Variants in KCNT2 observed in about 807,000 individuals in gnomAD.
KCNT2 encodes the protein potassium sodium-activated channel subfamily T member 2.
KCNT2 carries 67 observed loss-of-function variants against 153.8 expected under a neutral mutation model. That is an observed-to-expected ratio of 0.44 (90% CI 0.36 to 0.53). The LOEUF (loss-of-function observed/expected upper bound fraction) is 0.53. Among genes scored for constraint, KCNT2 ranks in the 20% least tolerant of loss-of-function variants. KCNT2 has a pLI of 0.00. For missense variants in KCNT2, 975 were observed against 1,354.8 expected, an observed-to-expected ratio of 0.72 and a Z score of 4.40; for synonymous variants, 500 against 458.8, an observed-to-expected ratio of 1.09 and a Z score of -1.15.
intron 7 of KCNT2, among the ~76,000 whole-genome samples, chr1:196,465,922 C>A (rs1294106557): frequency 6.6e-6 from 1 of 151,768 alleles, no homozygotes; most frequent in African/African-American, 2.4e-5. Context: ...GGCAATGAGC[C>A]ATTATTTGTG....
intron 1 of KCNT2, among the ~76,000 whole-genome samples, chr1:196,583,677 A>G (rs1189565778): frequency 1.3e-5 from 2 of 152,098 alleles, no homozygotes; most frequent in Non-Finnish European, 2.9e-5. Flanking sequence ...CATAGAAATC[A>G]AGAGAAGGAA....
chr1:196,467,288 C>G (rs1221778825), intron 7 of KCNT2, among the ~76,000 whole-genome samples: 1 of 151,942 alleles, frequency 6.6e-6, no homozygotes, highest in African/African-American at 2.4e-5. Flanking sequence ...TTTTTCTTTA[C>G]CAGTCATAGG....
At chr1:196,419,731 C>T (rs1156524907) in intron 12 of KCNT2, among the ~76,000 whole-genome samples, 1 of 152,018 alleles carries the variant, frequency 6.6e-6, no homozygotes, top group Admixed American at 6.6e-5. Flanking sequence ...TCTGCCATTA[C>T]TGATGAGACA....
rs370947524 is a variant in KCNT2 at position 196,308,492 on chromosome 1, A to G, written c.2484-3147T>C. Among the ~76,000 whole-genome samples the G allele has an allele frequency of 2.0e-5, 3 of 152,164 alleles. No homozygotes were observed. The East Asian group carries it at 5.8e-4, about 30-fold the overall frequency. On this transcript the variant is annotated intron_variant, in intron 21 of 27. Coordinates refer to ENST00000294725, the MANE Select transcript of KCNT2 (RefSeq NM_198503.5). ...TTAAAAGCCCACTTTTGCCTACACC[A>G]AAGTCACATCTTCCTGCCTAATATT...
intron 8 of KCNT2, among the ~76,000 whole-genome samples, chr1:196,449,142 A>G (rs1460194162): frequency 6.6e-6 from 1 of 151,704 alleles, no homozygotes; most frequent in Non-Finnish European, 1.5e-5. Context: ...GGCTTGTAGA[A>G]AAGAAGACCG....
At chr1:196,341,144 G>A (rs1665587560) in intron 15 of KCNT2, among the ~76,000 whole-genome samples, 1 of 151,936 alleles carries the variant, frequency 6.6e-6, no homozygotes, top group South Asian at 2.1e-4. Flanking sequence ...CCCAGCATAA[G>A]TTGAAAATAT....
chr1:196,562,443 G>T (rs1659537185), intron 1 of KCNT2, among the ~76,000 whole-genome samples: 1 of 151,896 alleles, frequency 6.6e-6, no homozygotes, highest in Admixed American at 6.6e-5. Context: ...ACTTTGAAAT[G>T]CTCTTGGCCA....
intron 26 of KCNT2, among the ~76,000 whole-genome samples, chr1:196,245,254 G>A (rs1390792761): frequency 1.3e-5 from 2 of 152,080 alleles, no homozygotes; most frequent in African/African-American, 4.8e-5. Flanking sequence ...ACTTTGGGAA[G>A]CCGAGGTGGG....
intron 3 of KCNT2, among the ~76,000 whole-genome samples, chr1:196,484,680 C>A (rs1572607999): frequency 6.6e-6 from 1 of 151,882 alleles, no homozygotes; most frequent in Non-Finnish European, 1.5e-5. Context: ...AAGTCTTTAA[C>A]CCATCTTGAG....
chr1:196,479,204 A>G lies in KCNT2; in HGVS notation c.359T>C (p.Ile120Thr), dbSNP rs1401932029. 3 of 1,576,442 alleles carry G rather than the reference A, an allele frequency of 1.9e-6. No homozygotes were observed. Among genetic ancestry groups the G allele is most frequent in the South Asian group, 1.1e-5 (1 of 88,444 alleles). ...SVALISLFET[I>T]LLGYLSYKGN... is the part of the protein sequence containing the mutation. ...CTTATAACTAAGATAACCAAGTAAT[A>G]TTGTTTCAAACAGACTTATCAATGC... Residue 120 changes from isoleucine (I) to threonine (T), a missense_variant, in exon 5 of 28, where the codon ATA becomes ACA. Ile to Thr is a moderately conservative substitution (Grantham distance 89, BLOSUM62 -1). Coordinates refer to ENST00000294725, the MANE Select transcript of KCNT2 (RefSeq NM_198503.5).
Position 196,356,681 on chromosome 1 carries a change from C to G in KCNT2, c.1404-14453G>C, listed in dbSNP as rs143534415. Reference sequence around the variant, plus strand: ...AGAATTTTTTCACAGTGAATTTCCCCAGAGTTGCTTATATAATCATATTGC... The same window carrying G: ...AGAATTTTTTCACAGTGAATTTCCCGAGAGTTGCTTATATAATCATATTGC... On this transcript the variant is annotated intron_variant, in intron 14 of 27. Coordinates refer to ENST00000294725, the MANE Select transcript of KCNT2 (RefSeq NM_198503.5). Among the ~76,000 whole-genome samples, 676 of 151,936 alleles carry G rather than the reference C, an allele frequency of 4.4e-3. 4 individuals carry two copies. Among genetic ancestry groups the G allele is most frequent in the African/African-American group, 0.015 (615 of 41,510 alleles).
chr1:196,602,777 T>TTA (rs1664878061), intron 1 of KCNT2, among the ~76,000 whole-genome samples: 1 of 124,202 alleles, frequency 8.1e-6, no homozygotes, highest in African/African-American at 3.1e-5. Context: ...TCTATTTTTT[T>TTA]TTTTTTTTTT....
intron 13 of KCNT2, among the ~76,000 whole-genome samples, chr1:196,394,528 C>A (rs1361399): frequency 0.2 from 29,675 of 151,318 alleles, 3,845 homozygotes; most frequent in East Asian, 0.53. Context: ...AAATCAATAA[C>A]TATTTTTAGA....
chr1:196,426,879 C>T (rs1318508841), intron 10 of KCNT2, among the ~76,000 whole-genome samples: 2 of 152,120 alleles, frequency 1.3e-5, no homozygotes, highest in East Asian at 3.9e-4. Context: ...CCTCTTCCTC[C>T]TGCTCTGGCC....
intron 12 of KCNT2, among the ~76,000 whole-genome samples, chr1:196,411,730 T>C (rs1420525286): frequency 1.3e-5 from 2 of 151,814 alleles, no homozygotes; most frequent in Non-Finnish European, 2.9e-5. Flanking sequence ...GATTTATTAG[T>C]TCTAACACTT....
chr1:196,285,707 C>G lies in KCNT2; in HGVS notation c.2647G>C (p.Ala883Pro). 1 of 1,613,668 alleles carries G rather than the reference C, an allele frequency of 6.2e-7. No individual in the cohort carries two copies. Among genetic ancestry groups the G allele is most frequent in the Non-Finnish European group, 8.5e-7 (1 of 1,179,626 alleles). ...CTGATGCTAAACACCCTCCCAGCAG[C>G]AAAAGGCAGTCGAAACATAAAGGCC... ...NLAFMFRLPF[A>P]AGRVFSISML... The change falls in exon 23 of 28, where the codon GCT becomes CCT. Residue 883 changes from alanine to proline, a missense_variant. Ala to Pro is a conservative substitution (Grantham distance 27). Transcript: ENST00000294725.
Position 196,459,281 on chromosome 1 carries a change from G to A in KCNT2, c.638+6012C>T, listed in dbSNP as rs189588402. Among the ~76,000 whole-genome samples the A allele has an allele frequency of 4.6e-5, 7 of 151,686 alleles. No individual in the cohort carries two copies. The East Asian group carries it at 1.2e-3, about 26-fold the overall frequency. On this transcript the variant is annotated intron_variant, in intron 8 of 27. Transcript: ENST00000294725. ...TTAATAATTTATAAAAGGTGACCAT[G>A]CCCTATCCTGTGCCCTAATGTACAA...
intron 14 of KCNT2, among the ~76,000 whole-genome samples, chr1:196,366,163 TA>T (rs201584549): frequency 1.3e-3 from 195 of 150,892 alleles, no homozygotes; most frequent in East Asian, 1.6e-3. Flanking sequence ...ATTTAATTAT[TA>T]TTTTTTTTTT....
chr1:196,339,941 G>T (rs1375524407), intron 16 of KCNT2, among the ~76,000 whole-genome samples: 2 of 151,112 alleles, frequency 1.3e-5, no homozygotes, highest in Non-Finnish European at 3.0e-5. Flanking sequence ...ACTTACAAAA[G>T]AAATATAAAA....
Sources: allele counts gnomAD v4.1 joint callset (sites outside exome capture counted in the v4.1 genomes callset), GRCh38; gene constraint gnomAD v4.1.1; transcripts MANE v1.5; gene names NCBI Gene and HGNC (gene_info 2026-07-23, HGNC 2026-07-21).